Variants in MGLL observed in about 807,000 individuals in gnomAD.
The protein encoded by MGLL is lysophospholipase homolog.
MGLL carries 7 observed loss-of-function variants against 29.1 expected under a neutral mutation model. That is an observed-to-expected ratio of 0.24 (90% CI 0.14 to 0.45). The LOEUF (loss-of-function observed/expected upper bound fraction) is 0.45. MGLL is among the 20% of genes least tolerant of loss of function. MGLL has a pLI of 0.99. For synonymous variants in MGLL, 148 were observed against 168.3 expected, an observed-to-expected ratio of 0.88 and a Z score of 0.93; for missense variants, 356 against 413.6, an observed-to-expected ratio of 0.86 and a Z score of 1.21.
At chr3:127,726,641 AG>A (rs2076052499) in intron 3 of MGLL, among the ~76,000 whole-genome samples, 1 of 152,080 alleles carries the variant, frequency 6.6e-6, no homozygotes, top group Non-Finnish European at 1.5e-5. Flanking sequence ...CATGTTAGCC[AG>A]GATGGTCTCG....
At chr3:127,750,128 C>T (rs1178009888) in intron 3 of MGLL, among the ~76,000 whole-genome samples, 1 of 152,138 alleles carries the variant, frequency 6.6e-6, no homozygotes, top group Non-Finnish European at 1.5e-5. Context: ...GAAGGGATCC[C>T]TCTGCCCGTG....
chr3:127,767,593 T>A (rs1438898341), intron 3 of MGLL, among the ~76,000 whole-genome samples: 15 of 152,244 alleles, frequency 9.9e-5, no homozygotes, highest in Admixed American at 9.8e-4. Context: ...GAATGGATTA[T>A]TTAAGAAATT....
chr3:127,729,784 G>A (rs753548883), intron 3 of MGLL, among the ~76,000 whole-genome samples: 6 of 152,130 alleles, frequency 3.9e-5, no homozygotes, highest in Non-Finnish European at 8.8e-5. Context: ...GACATTATAG[G>A]AGCCTGCCCT....
At chr3:127,742,589 CAAAAA>C (rs60743176) in intron 3 of MGLL, among the ~76,000 whole-genome samples, 1 of 70,492 alleles carries the variant, frequency 1.4e-5, no homozygotes, top group Non-Finnish European at 2.5e-5. Flanking sequence ...GACTCCGTCC[CAAAAA>C]AAAAAAAAAA....
At chr3:127,775,586 TA>T (rs749528933) in intron 3 of MGLL, among the ~76,000 whole-genome samples, 60 of 151,274 alleles carry the variant, frequency 4.0e-4, no homozygotes, top group Non-Finnish European at 7.8e-4. Context: ...CCAGCTGAGT[TA>T]AAAAAAAACA....
chr3:127,785,890 G>A (rs1438132347), intron 2 of MGLL, among the ~76,000 whole-genome samples: 1 of 152,206 alleles, frequency 6.6e-6, no homozygotes, highest in Non-Finnish European at 1.5e-5. Context: ...CGACAGATAA[G>A]GGAGCCCAAC....
rs146147854 is a variant in MGLL, at chr3:127,787,052, G to T, written c.156-5157C>A. Among the ~76,000 whole-genome samples the T allele has an allele frequency of 2.6e-3, 398 of 152,344 alleles. 1 individual carries two copies. The highest frequency in any genetic ancestry group is 4.8e-3 in the Non-Finnish European group (328 of 68,026). On this transcript the variant is annotated intron_variant, in intron 2 of 7. Transcript: ENST00000265052. ...AAAATGAGACAATGTGTGTGCAAGT[G>T]CACTGAGGCCCTGCGGCTCAGGATC... is the stretch of plus-strand genomic sequence containing the variant.
chr3:127,747,652 G>A (rs1006649435), intron 3 of MGLL, among the ~76,000 whole-genome samples: 3 of 152,204 alleles, frequency 2.0e-5, no homozygotes, highest in Non-Finnish European at 4.4e-5. Context: ...CCAGCCCAAC[G>A]CAAATGGGCA....
rs1369919359 is a variant in MGLL at position 127,694,269 on chromosome 3, G to GGAAA, written c.816+705_816+706insTTTC. Among the ~76,000 whole-genome samples the GGAAA allele has an allele frequency of 1.5e-3, 101 of 67,616 alleles. 3 individuals are homozygous for GGAAA. The highest frequency in any genetic ancestry group is 5.6e-3 in the African/African-American group (95 of 17,062). The allele number at this position is 67,616 out of a possible 152,430, so 44.4% of individuals were successfully genotyped here. A position where few individuals can be genotyped will look rare whatever the true frequency, so the allele number is the denominator to read the frequency against. On this transcript the variant is annotated intron_variant, in intron 7 of 7. Coordinates refer to ENST00000265052, the MANE Select transcript of MGLL (RefSeq NM_007283.7). Reference sequence around the variant, plus strand: ...TGGGTGACAGAGGGATACTCTGTCTGAAAAAAAAAAAAAAAAAATATATAT... The same window carrying GGAAA: ...TGGGTGACAGAGGGATACTCTGTCTGGAAAAAAAAAAAAAAAAAAAAATATATAT...
intron 6 of MGLL, among the ~76,000 whole-genome samples, chr3:127,695,754 T>TA (rs914988108): frequency 3.3e-5 from 5 of 151,854 alleles, no homozygotes; most frequent in South Asian, 2.1e-4. Flanking sequence ...AAAAAAAAAT[T>TA]AAAAAAAACG....
intron 6 of MGLL, among the ~76,000 whole-genome samples, chr3:127,707,318 G>T (rs1164010923): frequency 6.6e-6 from 1 of 152,178 alleles, no homozygotes; most frequent in African/African-American, 2.4e-5. Context: ...ATGGCTGAGG[G>T]CATGGGCAGA....
At chr3:127,726,035 A>AG (rs2076024232) in intron 3 of MGLL, among the ~76,000 whole-genome samples, 1 of 150,370 alleles carries the variant, frequency 6.7e-6, no homozygotes, top group Non-Finnish European at 1.5e-5. Context: ...ACTGCTCTCC[A>AG]GCCTGGACAA....
chr3:127,796,633 C>T (rs1356718338), intron 2 of MGLL, among the ~76,000 whole-genome samples: 2 of 152,186 alleles, frequency 1.3e-5, no homozygotes, highest in South Asian at 2.1e-4. Context: ...CACTATCATA[C>T]AACCCTCAAA....
chr3:127,814,764 T>C (rs1392156813), intron 2 of MGLL, among the ~76,000 whole-genome samples: 2 of 152,228 alleles, frequency 1.3e-5, no homozygotes, highest in Non-Finnish European at 2.9e-5. Context: ...CATCAAAAGA[T>C]CTTTGCTATT....
intron 2 of MGLL, among the ~76,000 whole-genome samples, chr3:127,790,682 G>A (rs969408813): frequency 6.6e-5 from 10 of 152,154 alleles, no homozygotes; most frequent in Non-Finnish European, 8.8e-5. Flanking sequence ...CTGCCCTTAC[G>A]GAAGTCGCAT....
chr3:127,722,306 A>C lies in MGLL; in HGVS notation c.399+124T>G, dbSNP rs957647530. 9.4e-6 allele frequency: 13 copies of C among 1,385,256 alleles called. No individual in the cohort carries two copies. In the Admixed American group the frequency reaches 2.3e-4, roughly 25 times the overall value. The allele number at this position is 1,385,256 out of a possible 1,614,324, so 85.8% of individuals were successfully genotyped here. On this transcript the variant is annotated intron_variant, in intron 4 of 7. Transcript: ENST00000265052. ...CCCAGGAACTCCAAGTGCAGTGCAC[A>C]AAGGGAGACATCATGCCAGCCAGGC...
chr3:127,740,905 C>A (rs983644959), intron 3 of MGLL, among the ~76,000 whole-genome samples: 5 of 152,178 alleles, frequency 3.3e-5, no homozygotes, highest in African/African-American at 4.8e-5. Flanking sequence ...GAGTAGAACG[C>A]CCCCAAAGCA....
chr3:127,795,031 C>A (rs967970493), intron 2 of MGLL, among the ~76,000 whole-genome samples: 5 of 152,198 alleles, frequency 3.3e-5, no homozygotes, highest in African/African-American at 1.2e-4. Flanking sequence ...TGGGTATATA[C>A]CCAAAGGAAA....
At chr3:127,697,381 C>G (rs146477796) in intron 6 of MGLL, among the ~76,000 whole-genome samples, 4 of 152,230 alleles carry the variant, frequency 2.6e-5, no homozygotes, top group Admixed American at 6.5e-5. Context: ...GTCTGCCCGG[C>G]ACTAAGTGTT....
Sources: allele counts gnomAD v4.1 joint callset (sites outside exome capture counted in the v4.1 genomes callset), GRCh38; gene constraint gnomAD v4.1.1; transcripts MANE v1.5; gene names NCBI Gene and HGNC (gene_info 2026-07-23, HGNC 2026-07-21).